The following ZNF292 variants were observed in gnomAD, a reference collection of about 807,000 sequenced individuals.
The protein encoded by ZNF292 is 16 zinc-finger domain protein.
ZNF292 carries 26 observed loss-of-function variants against 217.9 expected under a neutral mutation model. The ratio of observed to expected loss-of-function variants is 0.12; its 90% CI spans 0.09 to 0.17. The LOEUF (loss-of-function observed/expected upper bound fraction) is 0.17. ZNF292 is among the 10% of genes least tolerant of loss of function. ZNF292 has a pLI of 1.00. For synonymous variants in ZNF292, 1,257 were observed against 1,124.1 expected (o/e 1.12, Z -2.37); for missense variants, 2,904 against 3,175.2 (o/e 0.91, Z 2.05).
intron 4 of ZNF292, 130 bp downstream of exon 4, chr6:87,218,861 G>A: frequency 1.1e-6 from 1 of 951,582 alleles, no homozygotes; most frequent in South Asian, 1.9e-5. Flanking sequence ...CTTCTGAGGT[G>A]TGCTTGAGGC....
intron 1 of ZNF292, among the ~76,000 whole-genome samples, chr6:87,200,386 A>G (rs1173582495): frequency 3.9e-5 from 6 of 152,222 alleles, no homozygotes; most frequent in Admixed American, 3.9e-4. Context: ...ACGGAGAAAC[A>G]GTTACATAGC....
At chr6:87,228,056 A>G (rs1773448941) in intron 4 of ZNF292, among the ~76,000 whole-genome samples, 1 of 152,156 alleles carries the variant, frequency 6.6e-6, no homozygotes, top group Non-Finnish European at 1.5e-5. Flanking sequence ...TTACAGTCCT[A>G]ACAGTATTGT....
chr6:87,209,399 G>C (rs1397321746), intron 1 of ZNF292, among the ~76,000 whole-genome samples: 1 of 152,142 alleles, frequency 6.6e-6, no homozygotes, highest in Admixed American at 6.5e-5. Context: ...GGTGCAAAGT[G>C]AATGTGTCCA....
At position 87,261,063 on chromosome 6, in the gene ZNF292, A is replaced by G; in HGVS notation, c.7434A>G (p.Lys2478=). Residue 2478 remains lysine (K), a synonymous_variant, in exon 8 of 8, where the codon AAA becomes AAG. Transcript: ENST00000369577. ...AAAAGGAAGTTGAAAAAAATGAAAA[A>G]GATGAAATGGATGAACTAACAGAAT... The part of the protein sequence containing the change: ...VSQKEVEKNE[K]DEMDELTELF... 2 of 1,605,988 alleles carry G rather than the reference A, an allele frequency of 1.2e-6. No individual in the cohort carries two copies. The highest frequency in any genetic ancestry group is 3.3e-4 in the Middle Eastern group (2 of 6,046).
intron 1 of ZNF292, among the ~76,000 whole-genome samples, chr6:87,159,547 G>T (rs9344684): frequency 0.12 from 17,039 of 147,192 alleles, 1,122 homozygotes; most frequent in African/African-American, 0.17. Context: ...CTGTCACCCA[G>T]GCTGGTGTGC....
chr6:87,163,078 C>T lies in ZNF292; in HGVS notation c.168+7319C>T, dbSNP rs78124665. ...CTCAAAAGAAAAATGTTACCTTTTC[C>T]CCCTTGACTTACATTAAAAAAAGAA... is the stretch of plus-strand genomic sequence containing the variant. On this transcript the variant is annotated intron_variant, in intron 1 of 7. Transcript: ENST00000369577. Among the ~76,000 whole-genome samples, 1,436 of 152,180 alleles carry T rather than the reference C, an allele frequency of 9.4e-3. 18 individuals are homozygous for T. Among genetic ancestry groups the T allele is most frequent in the African/African-American group, 0.033 (1,352 of 41,524 alleles).
chr6:87,257,813 C>G lies in ZNF292; in HGVS notation c.4184C>G (p.Ser1395Cys). 1 of 1,613,826 alleles carries G rather than the reference C, an allele frequency of 6.2e-7. No individual in the cohort carries two copies. The highest frequency in any genetic ancestry group is 2.2e-5 in the East Asian group (1 of 44,866). ...TNPRSLGGHL[S>C]KRSYCKPLDG... Reference sequence around the variant, plus strand: ...CCCAGATCACTGGGTGGGCACTTATCCAAGCGATCTTACTGTAAACCACTG... The same window carrying G: ...CCCAGATCACTGGGTGGGCACTTATGCAAGCGATCTTACTGTAAACCACTG... The change falls in exon 8 of 8, where the codon TCC (serine) becomes TGC (cysteine). Residue 1395 changes from serine (S) to cysteine (C), a missense_variant. Coordinates refer to ENST00000369577, the MANE Select transcript of ZNF292 (RefSeq NM_015021.3).
chr6:87,244,644 A>C (rs1331071566), intron 6 of ZNF292, among the ~76,000 whole-genome samples: 1 of 152,198 alleles, frequency 6.6e-6, no homozygotes, highest in East Asian at 1.9e-4. Context: ...GTTCAGACAG[A>C]AAATCACCTG....
intron 1 of ZNF292, among the ~76,000 whole-genome samples, chr6:87,167,332 C>G (rs1273979975): frequency 6.6e-6 from 1 of 152,138 alleles, no homozygotes; most frequent in African/African-American, 2.4e-5. Context: ...AGTTAAAGTA[C>G]AGCTGACTCT....
chr6:87,253,691 T>G (rs183226772), intron 7 of ZNF292, among the ~76,000 whole-genome samples: 1 of 152,332 alleles, frequency 6.6e-6, no homozygotes, highest in East Asian at 1.9e-4. Context: ...CCTACAAGTT[T>G]AAGCTTCTGA....
At chr6:87,211,806 G>C (rs974120014) in intron 1 of ZNF292, among the ~76,000 whole-genome samples, 1 of 152,120 alleles carries the variant, frequency 6.6e-6, no homozygotes, top group Non-Finnish European at 1.5e-5. Flanking sequence ...AAGACATTTA[G>C]GTTTTGTTCC....
At chr6:87,226,357 C>G (rs1773341881) in intron 4 of ZNF292, among the ~76,000 whole-genome samples, 1 of 151,854 alleles carries the variant, frequency 6.6e-6, no homozygotes, top group South Asian at 2.1e-4. Flanking sequence ...GGAAAAATTG[C>G]TCTTAGTTTG....
At position 87,249,732 on chromosome 6, in the gene ZNF292, T is replaced by C. The variant is rs547393798; in HGVS notation, c.1020+4088T>C. 4.6e-5 allele frequency among the ~76,000 whole-genome samples: 7 copies of C among 152,154 alleles called. No individual in the cohort carries two copies. In the South Asian group the frequency reaches 1.5e-3, roughly 32 times the overall value. Reference sequence around the variant, plus strand: ...GTAACCTTTTTTTTTCTTTTTGTTATGGAGTCTCCCTCTGTTGCCCAGGCT... The same window carrying C: ...GTAACCTTTTTTTTTCTTTTTGTTACGGAGTCTCCCTCTGTTGCCCAGGCT... On this transcript the variant is annotated intron_variant, in intron 7 of 7. Coordinates refer to ENST00000369577, the MANE Select transcript of ZNF292 (RefSeq NM_015021.3).
At position 87,261,375 on chromosome 6, in the gene ZNF292, C is replaced by T. The variant is rs1317800638; in HGVS notation, c.7746C>T (p.Asp2582=). Residue 2582 remains aspartate (D), a synonymous_variant, in exon 8 of 8, where the codon GAC becomes GAT. Coordinates refer to ENST00000369577, the MANE Select transcript of ZNF292 (RefSeq NM_015021.3). ...TTGAGGAGCATCCTGCATCTTTTGA[C>T]TGGAGCTCTTTTAAGCCAATGGGAT... ...QTIEEHPASF[D]WSSFKPMGFE... is the part of the protein sequence containing the mutation. The T allele has an allele frequency of 1.2e-6, 2 of 1,613,058 alleles. No homozygotes were observed. Among genetic ancestry groups the T allele is most frequent in the East Asian group, 2.2e-5 (1 of 44,854 alleles).
At chr6:87,225,668 A>G (rs181360895) in intron 4 of ZNF292, among the ~76,000 whole-genome samples, 1 of 152,308 alleles carries the variant, frequency 6.6e-6, no homozygotes, top group Admixed American at 6.5e-5. Flanking sequence ...ATTCAGGATT[A>G]CATCTGTTGC....
rs753626885 is a variant in ZNF292 at position 87,257,688 on chromosome 6, G to A, written c.4059G>A (p.Gly1353=). The change falls in exon 8 of 8, where the codon GGG becomes GGA. Residue 1353 remains glycine (G), a synonymous_variant. Transcript: ENST00000369577. ...AAGACCGTGGGCGGGGCCCAAATGG[G>A]AAGGAAAGAAAACCTAAGCACAACA... ...VKKDRGRGPN[G]KERKPKHNKR... is the part of the protein sequence containing the mutation. The A allele has an allele frequency of 2.5e-6, 4 of 1,612,330 alleles. No individual in the cohort carries two copies. In the South Asian group the frequency reaches 3.3e-5, roughly 13 times the overall value.
intron 1 of ZNF292, among the ~76,000 whole-genome samples, chr6:87,209,547 G>A (rs898031275): frequency 2.0e-5 from 3 of 152,186 alleles, no homozygotes; most frequent in East Asian, 1.9e-4. Context: ...CCTTTCAGTC[G>A]TGTACAGTGG....
chr6:87,189,971 T>C (rs1385065210), intron 1 of ZNF292, among the ~76,000 whole-genome samples: 2 of 152,224 alleles, frequency 1.3e-5, no homozygotes, highest in African/African-American at 4.8e-5. Context: ...TATAGACTCA[T>C]GGATATTTAT....
rs1185792718 is a variant in ZNF292, at chr6:87,258,431, G to A, written c.4802G>A (p.Ser1601Asn). The change falls in exon 8 of 8, where the codon AGT (serine) becomes AAT (asparagine). Residue 1601 changes from serine to asparagine, a missense_variant. Ser to Asn is a conservative substitution (Grantham distance 46). Around this residue, in one of 15 missense-constraint regions of ZNF292, gnomAD observed 622 missense variants for 573.1 expected, o/e 1.09. Coordinates refer to ENST00000369577, the MANE Select transcript of ZNF292 (RefSeq NM_015021.3). ...NSGGPSQNFT[S>N]NSSRVSVISG... ...GGTGGGCCATCACAAAATTTTACCA[G>A]TAACAGTTCTCGTGTTTCTGTTATA... is the stretch of plus-strand genomic sequence containing the variant. 2 of 1,613,590 alleles carry A rather than the reference G, an allele frequency of 1.2e-6. No homozygotes were observed. Among genetic ancestry groups the A allele is most frequent in the Admixed American group, 1.7e-5 (1 of 59,914 alleles).
Sources: allele counts gnomAD v4.1 joint callset (sites outside exome capture counted in the v4.1 genomes callset), GRCh38; gene constraint gnomAD v4.1.1; regional missense constraint gnomAD v4.1.1; transcripts MANE v1.5; gene names NCBI Gene and HGNC (gene_info 2026-07-23, HGNC 2026-07-21).